The following MRPS27 variants were observed in gnomAD, a reference collection of about 807,000 sequenced individuals.
MRPS27 encodes small ribosomal subunit protein mS27.
Under a neutral mutation model 48.9 loss-of-function variants are expected in MRPS27, and 43 were observed. That is an observed-to-expected ratio of 0.88 (90% CI 0.69 to 1.13). MRPS27 has a LOEUF of 1.13. MRPS27 is among the 50% of genes most tolerant of loss of function. The probability of loss-of-function intolerance (pLI) is 0.00; values close to 1 mark genes in which losing one functional copy is unlikely to be tolerated. For missense variants in MRPS27, 467 were observed against 476.3 expected (o/e 0.98, Z 0.18); for synonymous variants, 188 against 171.9 (o/e 1.09, Z -0.73).
chr5:72,317,322 C>T (rs186448392), intron 1 of MRPS27, among the ~76,000 whole-genome samples: 5 of 152,288 alleles, frequency 3.3e-5, no homozygotes, highest in East Asian at 1.9e-4. Flanking sequence ...TTTCCAAAGA[C>T]GCTTTCAAAA....
chr5:72,245,619 A>G (rs1748492039), intron 4 of MRPS27, among the ~76,000 whole-genome samples: 1 of 152,226 alleles, frequency 6.6e-6, no homozygotes, highest in African/African-American at 2.4e-5. Context: ...GAATAGAAAT[A>G]AAAACCAGAA....
chr5:72,287,226 G>A (rs1340188046), intron 4 of MRPS27, among the ~76,000 whole-genome samples: 1 of 152,066 alleles, frequency 6.6e-6, no homozygotes, highest in Non-Finnish European at 1.5e-5. Flanking sequence ...CCCAGCTGTG[G>A]AAAAACTGTC....
At chr5:72,223,340 A>C (rs1283915417) in intron 10 of MRPS27, among the ~76,000 whole-genome samples, 1 of 152,210 alleles carries the variant, frequency 6.6e-6, no homozygotes, top group Non-Finnish European at 1.5e-5. Flanking sequence ...AAGATGGAGA[A>C]ATGGCCAGAT....
intron 4 of MRPS27, among the ~76,000 whole-genome samples, chr5:72,271,191 T>C (rs918153490): frequency 6.6e-6 from 1 of 152,134 alleles, no homozygotes; most frequent in African/African-American, 2.4e-5. Context: ...GAAGAGTAAA[T>C]GTATTTCTCG....
chr5:72,275,526 A>C (rs1208149245), intron 4 of MRPS27, among the ~76,000 whole-genome samples: 1 of 152,236 alleles, frequency 6.6e-6, no homozygotes, highest in Non-Finnish European at 1.5e-5. Flanking sequence ...TTAGAAAAAA[A>C]CTATTTTAAA....
chr5:72,245,971 G>A (rs1397373024), intron 4 of MRPS27, among the ~76,000 whole-genome samples: 1 of 152,112 alleles, frequency 6.6e-6, no homozygotes, highest in Non-Finnish European at 1.5e-5. Flanking sequence ...AGGAAGGTTG[G>A]ACATACTTCC....
chr5:72,289,434 T>C (rs1023193549), intron 4 of MRPS27, among the ~76,000 whole-genome samples: 16 of 152,222 alleles, frequency 1.1e-4, no homozygotes, highest in African/African-American at 3.6e-4. Flanking sequence ...TTCTTTTTTT[T>C]TTTTGAGACA....
At chr5:72,273,913 T>G (rs1299557809) in intron 4 of MRPS27, among the ~76,000 whole-genome samples, 1 of 152,238 alleles carries the variant, frequency 6.6e-6, no homozygotes, top group Non-Finnish European at 1.5e-5. Context: ...TTTTAGAAAC[T>G]TTTGACTTTT....
chr5:72,283,689 G>A (rs539739519), intron 4 of MRPS27, among the ~76,000 whole-genome samples: 2 of 152,138 alleles, frequency 1.3e-5, no homozygotes, highest in South Asian at 4.1e-4. Flanking sequence ...GGTCAAGTAG[G>A]CAAGATATGA....
At chr5:72,304,156 C>A (rs1235225640) in intron 2 of MRPS27, among the ~76,000 whole-genome samples, 5 of 151,662 alleles carry the variant, frequency 3.3e-5, no homozygotes, top group African/African-American at 1.2e-4. Context: ...ACAATTTAAG[C>A]TAGATATGCA....
At chr5:72,306,275 A>T (rs1454566390) in intron 2 of MRPS27, among the ~76,000 whole-genome samples, 1 of 152,276 alleles carries the variant, frequency 6.6e-6, no homozygotes, top group Non-Finnish European at 1.5e-5. Context: ...TGCAGCTTCA[A>T]ATGAAATAAC....
intron 4 of MRPS27, among the ~76,000 whole-genome samples, chr5:72,295,051 TTG>T (rs746811892): frequency 2.6e-5 from 4 of 151,100 alleles, no homozygotes; most frequent in Non-Finnish European, 4.4e-5. Context: ...GTGTGTGTGT[TTG>T]TGTGTGTGTG....
Position 72,319,955 on chromosome 5 carries a change from G to A in MRPS27, c.73+194C>T, listed in dbSNP as rs1357325008. On this transcript the variant is annotated intron_variant, in intron 1 of 10. Transcript: ENST00000261413. Reference sequence around the variant, plus strand: ...CCTTCCACTGCTCTTCGTACCTTTGGACAGGAACATACTGTTATTTTAGGG... The same window carrying A: ...CCTTCCACTGCTCTTCGTACCTTTGAACAGGAACATACTGTTATTTTAGGG... 14 of 625,950 alleles carry A rather than the reference G, an allele frequency of 2.2e-5. No homozygotes were observed. In the African/African-American group the frequency reaches 2.6e-4, roughly 12 times the overall value. 38.8% of individuals were successfully genotyped at this position (625,950 alleles called of 1,614,324 possible).
intron 6 of MRPS27, among the ~76,000 whole-genome samples, chr5:72,233,849 C>T (rs1463465875): frequency 2.0e-5 from 3 of 152,108 alleles, no homozygotes; most frequent in Non-Finnish European, 2.9e-5. Context: ...TTCTGCATTT[C>T]AGTCAGTTTG....
chr5:72,283,928 T>C (rs1749597146), intron 4 of MRPS27, among the ~76,000 whole-genome samples: 1 of 152,110 alleles, frequency 6.6e-6, no homozygotes, highest in Non-Finnish European at 1.5e-5. Context: ...CCTATGTACA[T>C]TTCTCTCTTT....
chr5:72,241,230 T>C (rs904135681), intron 4 of MRPS27, among the ~76,000 whole-genome samples: 10 of 152,166 alleles, frequency 6.6e-5, no homozygotes, highest in Admixed American at 3.3e-4. Flanking sequence ...TGGCCTCAAG[T>C]GATCCTCCCA....
chr5:72,220,755 G>T lies in MRPS27; in HGVS notation c.*154C>A. 9.0e-7 allele frequency: 1 copy of T among 1,113,478 alleles called. No homozygotes were observed. Among genetic ancestry groups the T allele is most frequent in the Non-Finnish European group, 1.3e-6 (1 of 779,458 alleles). The allele number at this position is 1,113,478 out of a possible 1,614,324, so 69.0% of individuals were successfully genotyped here. A position where few individuals can be genotyped will look rare whatever the true frequency, so the allele number is the denominator to read the frequency against. On this transcript the variant is annotated 3_prime_UTR_variant, in exon 11 of 11. Coordinates refer to ENST00000261413, the MANE Select transcript of MRPS27 (RefSeq NM_015084.3). ...ATAGCCCTTCTTGGCATCTCGATGG[G>T]CAGTCATGGTGCCTTGCCATGTAGG... is the stretch of plus-strand genomic sequence containing the variant.
chr5:72,309,473 A>G (rs528554958), intron 2 of MRPS27, among the ~76,000 whole-genome samples: 3 of 152,214 alleles, frequency 2.0e-5, no homozygotes, highest in African/African-American at 7.2e-5. Flanking sequence ...CATGTTGTCC[A>G]GGCTGGTCTT....
chr5:72,234,104 G>C lies in MRPS27; in HGVS notation c.475+15C>G. ...GGAAGCCCTATAAACACTGAATCTG[G>C]GGTTAGTTTCTTACCTTTGTAATTT... On this transcript the variant is annotated intron_variant, in intron 6 of 10. Transcript: ENST00000261413. 6.7e-7 allele frequency: 1 copy of C among 1,492,670 alleles called. No homozygotes were observed. The highest frequency in any genetic ancestry group is 8.9e-7 in the Non-Finnish European group (1 of 1,124,350). 92.5% of individuals were successfully genotyped at this position (1,492,670 alleles called of 1,614,324 possible). A position where few individuals can be genotyped will look rare whatever the true frequency, so the allele number is the denominator to read the frequency against.
Sources: gnomAD v4.1 joint callset for allele counts (sites outside exome capture counted in the v4.1 genomes callset) on GRCh38, gnomAD v4.1.1 for gene constraint, MANE v1.5 for transcripts, NCBI Gene and HGNC (gene_info 2026-07-23, HGNC 2026-07-21) for gene names.